The following AGAP1 variants were observed in gnomAD, a reference collection of about 807,000 sequenced individuals.
AGAP1 encodes arf-GAP with GTPase, ANK repeat and PH domain-containing protein 1.
AGAP1 carries 29 observed loss-of-function variants against 105.3 expected under a neutral mutation model. That is an observed-to-expected ratio of 0.28 (90% confidence interval 0.21 to 0.38). AGAP1 has a LOEUF of 0.38. AGAP1 is among the 10% of genes least tolerant of loss of function. AGAP1 has a pLI of 1.00. For synonymous variants in AGAP1, 509 were observed against 485.9 expected (o/e 1.05, Z -0.63); for missense variants, 998 against 1,165.1 (o/e 0.86, Z 2.09).
chr2:235,730,432 G>A (rs1241647075), intron 3 of AGAP1, among the ~76,000 whole-genome samples: 6 of 143,872 alleles, frequency 4.2e-5, no homozygotes. Flanking sequence ...CAGATGAGGA[G>A]TTAGGCACTT....
chr2:235,574,078 G>A lies in AGAP1; in HGVS notation c.163+79229G>A, dbSNP rs1037301534. On this transcript the variant is annotated intron_variant, in intron 1 of 17. Transcript: ENST00000304032. This position sits in a 1 kb window ranked among gnomAD's most constrained non-coding sequence, Gnocchi z 5.0. The stretch of plus-strand genomic sequence containing the variant: ...GCAGGGCCTGGGTGCCTTGGGGCCT[G>A]TCCTATCTGAGGTCCACAGCCTGCA... Among the ~76,000 whole-genome samples the A allele has an allele frequency of 1.3e-5, 2 of 152,244 alleles. No homozygotes were observed. Among genetic ancestry groups the A allele is most frequent in the African/African-American group, 4.8e-5 (2 of 41,470 alleles).
In AGAP1 at chr2:236,058,100, G is replaced by A. The variant is rs1456740624; in HGVS notation, c.2114+8819G>A. On this transcript the variant is annotated intron_variant, in intron 16 of 17. Transcript: ENST00000304032. This position sits in a 1 kb window ranked among gnomAD's most constrained non-coding sequence, Gnocchi z 4.6. ...AAGCCTACCCAGTCAGCATCCCTAGGGGGTAGGGTCCAGTGGTGTGTTTTA... is the reference window on the plus strand; with the variant it reads ...AAGCCTACCCAGTCAGCATCCCTAGAGGGTAGGGTCCAGTGGTGTGTTTTA... 1.3e-5 allele frequency among the ~76,000 whole-genome samples: 2 copies of A among 152,172 alleles called. No individual in the cohort carries two copies. Among genetic ancestry groups the A allele is most frequent in the East Asian group, 1.9e-4 (1 of 5,200 alleles).
At chr2:235,876,895 T>G (rs1378778969) in intron 9 of AGAP1, among the ~76,000 whole-genome samples, 1 of 150,802 alleles carries the variant, frequency 6.6e-6, no homozygotes, top group Non-Finnish European at 1.5e-5. Flanking sequence ...TTGCCCAGTC[T>G]GGAGTGCAAT....
rs1190528128 is a variant in AGAP1 at position 235,830,809 on chromosome 2, T to C, written c.1050+23478T>C. Among the ~76,000 whole-genome samples, 1 of 152,234 alleles carries C rather than the reference T, an allele frequency of 6.6e-6. No homozygotes were observed. Among genetic ancestry groups the C allele is most frequent in the East Asian group, 1.9e-4 (1 of 5,200 alleles). On this transcript the variant is annotated intron_variant, in intron 9 of 17. Coordinates refer to ENST00000304032, the MANE Select transcript of AGAP1 (RefSeq NM_001037131.3). This position sits in a 1 kb window ranked among gnomAD's most constrained non-coding sequence, Gnocchi z 5.5. ...TTTTACTTCTATTGGATGCTGTTGATAGCCTCATTCTTCTCAGGTCCACCT... is the reference window on the plus strand; with the variant it reads ...TTTTACTTCTATTGGATGCTGTTGACAGCCTCATTCTTCTCAGGTCCACCT...
At position 235,610,958 on chromosome 2, in the gene AGAP1, G is replaced by A. The variant is rs1213213282; in HGVS notation, c.164-98221G>A. On this transcript the variant is annotated intron_variant, in intron 1 of 17. Coordinates refer to ENST00000304032, the MANE Select transcript of AGAP1 (RefSeq NM_001037131.3). This position sits in a 1 kb window ranked among gnomAD's most constrained non-coding sequence, Gnocchi z 4.9. ...TGAAGAGCGGCCCAGTAGGATGGTT[G>A]ACTGACGTTAGCTTGGCTTTCTTCC... Among the ~76,000 whole-genome samples the A allele has an allele frequency of 6.6e-6, 1 of 152,052 alleles. No homozygotes were observed. Among genetic ancestry groups the A allele is most frequent in the Non-Finnish European group, 1.5e-5 (1 of 68,010 alleles).
chr2:235,763,035 G>GGTGTGTGTGTGT (rs145122803), intron 6 of AGAP1, among the ~76,000 whole-genome samples: 20 of 140,072 alleles, frequency 1.4e-4, no homozygotes, highest in African/African-American at 4.4e-4. Flanking sequence ...TTAAGGCTCG[G>GGTGTGTGTGTGT]GTGTGTGTGT....
In AGAP1 at chr2:235,582,306, T is replaced by C. The variant is rs1329582384; in HGVS notation, c.163+87457T>C. Among the ~76,000 whole-genome samples the C allele has an allele frequency of 6.6e-5, 10 of 152,096 alleles. No individual in the cohort carries two copies. Among genetic ancestry groups the C allele is most frequent in the African/African-American group, 2.4e-4 (10 of 41,416 alleles). ...TGCGTGGTGCTGCCTGCCGAGGTGG[T>C]GTGGCTCTTTGTGCTGGCATTTAGG... On this transcript the variant is annotated intron_variant, in intron 1 of 17. Coordinates refer to ENST00000304032, the MANE Select transcript of AGAP1 (RefSeq NM_001037131.3). The surrounding 1 kb of genome is among the most constrained non-coding windows in gnomAD (Gnocchi z 4.7).
chr2:235,587,381 T>A (rs975007486), intron 1 of AGAP1, among the ~76,000 whole-genome samples: 4 of 152,170 alleles, frequency 2.6e-5, no homozygotes, highest in Admixed American at 1.3e-4. Context: ...GAGGCTGGGA[T>A]TCCGAGCTCA....
intron 9 of AGAP1, among the ~76,000 whole-genome samples, chr2:235,863,552 C>T (rs940960812): frequency 6.6e-6 from 1 of 152,134 alleles, no homozygotes; most frequent in African/African-American, 2.4e-5. Context: ...GGTACAGCCT[C>T]CTCTTTGAGC....
At chr2:235,653,391 G>A (rs1224165830) in intron 1 of AGAP1, among the ~76,000 whole-genome samples, 1 of 152,094 alleles carries the variant, frequency 6.6e-6, no homozygotes, top group Non-Finnish European at 1.5e-5. Context: ...ATGAAACCGG[G>A]AGGCAGAGCT....
intron 16 of AGAP1, among the ~76,000 whole-genome samples, chr2:236,074,869 G>A (rs1308857673): frequency 1.3e-5 from 2 of 152,170 alleles, no homozygotes; most frequent in South Asian, 2.1e-4. Context: ...AGCCTGGACC[G>A]CATGGCAAAA....
chr2:235,995,379 T>C (rs1266371491), intron 13 of AGAP1, among the ~76,000 whole-genome samples: 1 of 151,926 alleles, frequency 6.6e-6, no homozygotes, highest in Admixed American at 6.6e-5. Context: ...CTAAGCTTGG[T>C]GGTGCGCACC....
chr2:235,717,359 G>A lies in AGAP1; in HGVS notation c.223-198G>A, dbSNP rs79321702. On this transcript the variant is annotated intron_variant, in intron 2 of 17. Coordinates refer to ENST00000304032, the MANE Select transcript of AGAP1 (RefSeq NM_001037131.3). ...CCGTTGCAGCTGTTGAGGCTGATGA[G>A]AACGTGAGATGTTAATTAAGAGTGT... 1.2e-4 allele frequency among the ~76,000 whole-genome samples: 18 copies of A among 152,364 alleles called. No homozygotes were observed. In the East Asian group the frequency reaches 3.5e-3, roughly 29 times the overall value.
At chr2:235,592,970 G>T (rs1945400980) in intron 1 of AGAP1, among the ~76,000 whole-genome samples, 1 of 152,170 alleles carries the variant, frequency 6.6e-6, no homozygotes, top group South Asian at 2.1e-4. Flanking sequence ...ATGATCGGTG[G>T]CTGGGACGGT....
chr2:235,538,084 G>C (rs1330080539), intron 1 of AGAP1, among the ~76,000 whole-genome samples: 2 of 152,164 alleles, frequency 1.3e-5, no homozygotes, highest in African/African-American at 4.8e-5. Context: ...CTTATACCCT[G>C]TTCTCCCAGG....
intron 9 of AGAP1, among the ~76,000 whole-genome samples, chr2:235,818,878 G>A (rs1241223426): frequency 6.6e-6 from 1 of 151,934 alleles, no homozygotes; most frequent in East Asian, 2.0e-4. Context: ...CCGGCCCATG[G>A]CCATCTTTTC....
intron 1 of AGAP1, among the ~76,000 whole-genome samples, chr2:235,558,811 A>G (rs982408761): frequency 6.6e-5 from 10 of 152,242 alleles, no homozygotes; most frequent in Non-Finnish European, 8.8e-5. Flanking sequence ...GAGGAGCCCC[A>G]AGGTACTGTG....
chr2:235,807,647 A>G (rs1484817327), intron 9 of AGAP1, among the ~76,000 whole-genome samples: 2 of 152,218 alleles, frequency 1.3e-5, no homozygotes, highest in East Asian at 3.8e-4. Flanking sequence ...CCGCCGGGCA[A>G]CAGGGGTAAC....
rs1192562542 is a variant in AGAP1, at chr2:235,931,220, A to G, written c.1483+297A>G. On this transcript the variant is annotated intron_variant, in intron 12 of 17. Transcript: ENST00000304032. This position sits in a 1 kb window ranked among gnomAD's most constrained non-coding sequence, Gnocchi z 5.6. ...CAGGGCAACTGGCTTACCCAGGGTC[A>G]CGTGACAGAAGTGGCAGCGCTGAGA... Among the ~76,000 whole-genome samples, 1 of 152,206 alleles carries G rather than the reference A, an allele frequency of 6.6e-6. No individual in the cohort carries two copies. The highest frequency in any genetic ancestry group is 1.5e-5 in the Non-Finnish European group (1 of 68,034).
Sources: allele counts gnomAD v4.1 joint callset (sites outside exome capture counted in the v4.1 genomes callset), GRCh38; gene constraint gnomAD v4.1.1; non-coding constraint Gnocchi (gnomAD v3.1); transcripts MANE v1.5; gene names NCBI Gene and HGNC (gene_info 2026-07-23, HGNC 2026-07-21).